The following NRXN3 variants were observed in gnomAD, a reference collection of about 807,000 sequenced individuals.
NRXN3 encodes neurexin III.
Under a neutral mutation model 137.6 loss-of-function variants are expected in NRXN3, and 32 were observed. That is an observed-to-expected ratio of 0.23 (90% CI 0.18 to 0.31). The LOEUF (loss-of-function observed/expected upper bound fraction) is 0.31, where lower values mean the gene tolerates loss of function less well. Among genes scored for constraint, NRXN3 ranks in the 10% least tolerant of loss-of-function variants. NRXN3 has a pLI of 1.00. For missense variants in NRXN3, 1,574 were observed against 2,062.5 expected (o/e 0.76, Z 4.59); for synonymous variants, 798 against 784.5 (o/e 1.02, Z -0.29).
chr14:78,790,229 AT>A (rs905020485), intron 8 of NRXN3, among the ~76,000 whole-genome samples: 1 of 151,972 alleles, frequency 6.6e-6, no homozygotes, highest in African/African-American at 2.4e-5. Context: ...TCTCTATTCC[AT>A]TTTTTTCTCT....
At chr14:79,365,133 T>C (rs1392071668) in intron 15 of NRXN3, among the ~76,000 whole-genome samples, 1 of 152,104 alleles carries the variant, frequency 6.6e-6, no homozygotes, top group Non-Finnish European at 1.5e-5. Context: ...GGTGTTTAGT[T>C]TGTGGGTTCC....
chr14:79,854,001 G>C, intron 20 of NRXN3: 1 of 985,374 alleles, frequency 1.0e-6, no homozygotes, highest in African/African-American at 1.7e-5. Context: ...ATGTTATGTG[G>C]TGTGGATGTA....
At chr14:79,513,379 C>T (rs1297691389) in intron 16 of NRXN3, among the ~76,000 whole-genome samples, 1 of 152,118 alleles carries the variant, frequency 6.6e-6, no homozygotes. Flanking sequence ...TTTCTGACTC[C>T]AAGGACATTT....
intron 4 of NRXN3, among the ~76,000 whole-genome samples, chr14:78,358,533 G>A (rs1437951115): frequency 6.6e-6 from 1 of 152,182 alleles, no homozygotes; most frequent in African/African-American, 2.4e-5. Flanking sequence ...AAAGAGATTG[G>A]CTTCTCCAAT....
At chr14:79,204,705 A>G (rs1231475077) in intron 15 of NRXN3, among the ~76,000 whole-genome samples, 1 of 152,170 alleles carries the variant, frequency 6.6e-6, no homozygotes, top group Non-Finnish European at 1.5e-5. Flanking sequence ...GCTGTTGGGT[A>G]GATATGGAAC....
rs117111411 is a variant in NRXN3, at chr14:79,643,443, C to A, written c.3445-20335C>A. Among the ~76,000 whole-genome samples, 86 of 135,064 alleles carry A rather than the reference C, an allele frequency of 6.4e-4. 4 individuals are homozygous for A. The East Asian group carries it at 0.016, about 24-fold the overall frequency. The allele number at this position is 135,064 out of a possible 152,430, so 88.6% of individuals were successfully genotyped here. On this transcript the variant is annotated intron_variant, in intron 16 of 20. Transcript: ENST00000335750. ...CTGTTATAATTCCTCTCCTCTGCTTCTTCCCCAGCTGCTCAGAACATACTG... is the reference window on the plus strand; with the variant it reads ...CTGTTATAATTCCTCTCCTCTGCTTATTCCCCAGCTGCTCAGAACATACTG...
intron 15 of NRXN3, among the ~76,000 whole-genome samples, chr14:79,462,861 A>ATGTATATGTATATGTACATACACAT (rs1600667779): frequency 0.3 from 42,695 of 140,748 alleles, 7,734 homozygotes; most frequent in South Asian, 0.41. Context: ...ATACACAATG[A>ATGTATATGTATATGTACATACACAT]ATGTATATGT....
intron 4 of NRXN3, among the ~76,000 whole-genome samples, chr14:78,552,597 T>C (rs568667184): frequency 7.6e-4 from 116 of 152,220 alleles, no homozygotes; most frequent in African/African-American, 2.7e-3. Flanking sequence ...GCCCAGGAGT[T>C]TGAGGCTGCA....
At chr14:79,753,155 A>G (rs1470280862) in intron 19 of NRXN3, among the ~76,000 whole-genome samples, 1 of 152,084 alleles carries the variant, frequency 6.6e-6, no homozygotes, top group Non-Finnish European at 1.5e-5. Flanking sequence ...TGTGGAAGTC[A>G]GTGTGGCGAT....
chr14:79,494,502 A>G (rs1375341932), intron 16 of NRXN3, among the ~76,000 whole-genome samples: 1 of 152,186 alleles, frequency 6.6e-6, no homozygotes, highest in Admixed American at 6.5e-5. Context: ...CTTTCTTACC[A>G]GCCTTGCATG....
rs1292828133 is a variant in NRXN3, at chr14:79,731,823, A to T, written c.4014+33886A>T. On this transcript the variant is annotated intron_variant, in intron 19 of 20. Coordinates refer to ENST00000335750, the MANE Select transcript of NRXN3 (RefSeq NM_001330195.2). ...TTTAAATTAGAATTTTTTATTTTTT[A>T]TTTTTTTTTTTAATTTTTTTTTTGG... 8.3e-5 allele frequency among the ~76,000 whole-genome samples: 12 copies of T among 144,908 alleles called. No individual in the cohort carries two copies. The South Asian group carries it at 2.0e-3, about 24-fold the overall frequency.
chr14:79,396,948 G>C (rs1266772934), intron 15 of NRXN3, among the ~76,000 whole-genome samples: 1 of 152,028 alleles, frequency 6.6e-6, no homozygotes, highest in Non-Finnish European at 1.5e-5. Context: ...TACCTTCAGG[G>C]AATAAAATAG....
chr14:79,299,170 A>G (rs2084711562), intron 15 of NRXN3, among the ~76,000 whole-genome samples: 1 of 152,116 alleles, frequency 6.6e-6, no homozygotes, highest in South Asian at 2.1e-4. Context: ...CCAGTTTTAC[A>G]TTTTGAAAAG....
intron 6 of NRXN3, among the ~76,000 whole-genome samples, chr14:78,671,037 G>A (rs2097928938): frequency 6.6e-6 from 1 of 152,176 alleles, no homozygotes. Context: ...ACATCAAAAG[G>A]AAGAACAATG....
At chr14:78,917,903 A>G (rs991630188) in intron 10 of NRXN3, among the ~76,000 whole-genome samples, 1 of 152,054 alleles carries the variant, frequency 6.6e-6, no homozygotes, top group African/African-American at 2.4e-5. Flanking sequence ...GGAGTAATGT[A>G]AAAGTGATAG....
intron 16 of NRXN3, among the ~76,000 whole-genome samples, chr14:79,572,226 C>G (rs930290134): frequency 1.3e-5 from 2 of 152,098 alleles, no homozygotes; most frequent in Non-Finnish European, 2.9e-5. Flanking sequence ...TCTTTCTATA[C>G]TTCATGTGAA....
intron 20 of NRXN3, chr14:79,854,098 G>A (rs2141809593): frequency 2.0e-6 from 2 of 981,980 alleles, no homozygotes; most frequent in Non-Finnish European, 2.4e-6. Context: ...TTTAAGAAAT[G>A]ACAACAAAAA....
At chr14:78,359,805 T>C (rs1474625413) in intron 4 of NRXN3, among the ~76,000 whole-genome samples, 2 of 152,176 alleles carry the variant, frequency 1.3e-5, no homozygotes, top group Non-Finnish European at 2.9e-5. Flanking sequence ...GGGCCTGGTG[T>C]GAGTCTGTCT....
intron 19 of NRXN3, among the ~76,000 whole-genome samples, chr14:79,743,955 A>G (rs1217230742): frequency 6.6e-6 from 1 of 152,208 alleles, no homozygotes; most frequent in Non-Finnish European, 1.5e-5. Context: ...AGAATTTCCA[A>G]ATTAAATTTA....
Sources: allele counts gnomAD v4.1 joint callset (sites outside exome capture counted in the v4.1 genomes callset), GRCh38; gene constraint gnomAD v4.1.1; transcripts MANE v1.5; gene names NCBI Gene and HGNC (gene_info 2026-07-23, HGNC 2026-07-21).